The following DSCAM variants were observed in gnomAD, a reference collection of about 807,000 sequenced individuals.
DSCAM encodes DS cell adhesion molecule, also known as cell adhesion molecule DSCAM.
In DSCAM, 47 loss-of-function variants were observed where a neutral mutation model predicts 217.7. The observed-to-expected ratio is 0.22, with a 90% CI of 0.17 to 0.28. The LOEUF is 0.28. DSCAM is among the 10% of genes least tolerant of loss of function. The probability of loss-of-function intolerance (pLI) is 1.00; values close to 1 mark genes in which losing one functional copy is unlikely to be tolerated. For synonymous variants in DSCAM, 1,056 were observed against 1,015.3 expected (o/e 1.04, Z -0.76); for missense variants, 2,080 against 2,618.3 (o/e 0.79, Z 4.49).
intron 11 of DSCAM, among the ~76,000 whole-genome samples, chr21:40,197,126 T>C (rs60417731): frequency 0.075 from 11,261 of 150,024 alleles, 1,044 homozygotes; most frequent in African/African-American, 0.23. Flanking sequence ...TTCTTTCTTT[T>C]TTTCTTTTTT....
intron 3 of DSCAM, chr21:40,615,281 C>CAA (rs34306422): frequency 0.14 from 11,577 of 83,858 alleles, 818 homozygotes; most frequent in East Asian, 0.34. Flanking sequence ...GACTCTGTCT[C>CAA]AAAAAAAAAA....
chr21:40,689,558 A>G (rs990070914), intron 3 of DSCAM, among the ~76,000 whole-genome samples: 1 of 152,222 alleles, frequency 6.6e-6, no homozygotes, highest in Non-Finnish European at 1.5e-5. Flanking sequence ...ACTTAGTAAG[A>G]TACTTACACA....
At chr21:40,561,051 A>G (rs1026692653) in intron 3 of DSCAM, among the ~76,000 whole-genome samples, 1 of 152,218 alleles carries the variant, frequency 6.6e-6, no homozygotes, top group Non-Finnish European at 1.5e-5. Context: ...ACATTGACAA[A>G]TGATGCTTTG....
rs62235589 is a variant in DSCAM at position 40,029,878 on chromosome 21, G to A, written c.5686+12493C>T. On this transcript the variant is annotated intron_variant, in intron 32 of 32. Transcript: ENST00000400454. ...GGCAGCTGGGGTGCCAAGCCTCGGG[G>A]CTTGCATCTTCCTCCTCTGTTCTGC... 4.9e-3 allele frequency among the ~76,000 whole-genome samples: 750 copies of A among 152,302 alleles called. 3 individuals are homozygous for A. The highest frequency in any genetic ancestry group is 7.8e-3 in the Non-Finnish European group (528 of 68,030).
intron 6 of DSCAM, among the ~76,000 whole-genome samples, chr21:40,339,701 C>T (rs2074468236): frequency 6.6e-6 from 1 of 152,220 alleles, no homozygotes; most frequent in Non-Finnish European, 1.5e-5. Context: ...ATGACAGCTC[C>T]TAAGAAGTCC....
At chr21:40,741,707 CT>C (rs2091125851) in intron 1 of DSCAM, among the ~76,000 whole-genome samples, 1 of 152,222 alleles carries the variant, frequency 6.6e-6, no homozygotes. Flanking sequence ...AGCAGTAATA[CT>C]GCAGCCCCAT....
chr21:40,143,941 AT>A (rs2146716989), intron 17 of DSCAM, among the ~76,000 whole-genome samples: 1 of 152,156 alleles, frequency 6.6e-6, no homozygotes, highest in African/African-American at 2.4e-5. Flanking sequence ...AGGGTTCTCT[AT>A]TTTCAAGCAC....
chr21:40,432,028 C>A (rs753148074), intron 3 of DSCAM, among the ~76,000 whole-genome samples: 10 of 151,936 alleles, frequency 6.6e-5, no homozygotes, highest in Non-Finnish European at 1.2e-4. Context: ...AGTGAAACCC[C>A]GGCTCTATTA....
At position 40,673,270 on chromosome 21, in the gene DSCAM, A is replaced by G. The variant is rs548559696; in HGVS notation, c.508+19540T>C. On this transcript the variant is annotated intron_variant, in intron 3 of 32. Coordinates refer to ENST00000400454, the MANE Select transcript of DSCAM (RefSeq NM_001389.5). ...CTGTGATGGTGTCTTGTTTTACGGTAGTAAAGATAAAAATGATGCCCCCCC... is the reference window on the plus strand; with the variant it reads ...CTGTGATGGTGTCTTGTTTTACGGTGGTAAAGATAAAAATGATGCCCCCCC... 5.5e-5 allele frequency among the ~76,000 whole-genome samples: 7 copies of G among 127,244 alleles called. No homozygotes were observed. The South Asian group carries it at 1.3e-3, about 23-fold the overall frequency. 83.5% of individuals were successfully genotyped at this position (127,244 alleles called of 152,430 possible).
At chr21:40,432,186 G>C (rs2075539787) in intron 3 of DSCAM, among the ~76,000 whole-genome samples, 1 of 136,748 alleles carries the variant, frequency 7.3e-6, no homozygotes, top group African/African-American at 2.5e-5. Context: ...AACAGCATGA[G>C]ACTCTGCCTC....
chr21:40,134,111 C>A, intron 18 of DSCAM, 102 bp from the exon 19 acceptor site: 1 of 1,413,224 alleles, frequency 7.1e-7, no homozygotes, highest in East Asian at 2.5e-5. Flanking sequence ...TGCCATCACC[C>A]GTCCAGCCAT....
intron 3 of DSCAM, among the ~76,000 whole-genome samples, chr21:40,623,731 C>G (rs1429476803): frequency 1.3e-5 from 2 of 152,306 alleles, no homozygotes; most frequent in Non-Finnish European, 1.5e-5. Flanking sequence ...TTGATTTTTC[C>G]ATCTTCCTCA....
chr21:40,292,987 T>C (rs4541315), intron 10 of DSCAM, among the ~76,000 whole-genome samples: 72,691 of 151,868 alleles, frequency 0.48, 18,874 homozygotes, highest in African/African-American at 0.69. Flanking sequence ...CCGCCTGCCT[T>C]GGCCTCCCAA....
intron 1 of DSCAM, among the ~76,000 whole-genome samples, chr21:40,759,869 C>T (rs1569022885): frequency 6.6e-6 from 1 of 152,158 alleles, no homozygotes; most frequent in African/African-American, 2.4e-5. Context: ...GCAGCCATCG[C>T]CCTCCACACA....
chr21:40,178,922 C>T lies in DSCAM; in HGVS notation c.2947+5G>A. On this transcript the variant is annotated splice_donor_5th_base_variant and intron_variant, in intron 15 of 32. Coordinates refer to ENST00000400454, the MANE Select transcript of DSCAM (RefSeq NM_001389.5). ...TGGAGCAAGGTTCCGCCCGGTCCCA[C>T]GTACCTGCCTCGTCCGCCGTGATGG... 1.2e-6 allele frequency: 2 copies of T among 1,613,122 alleles called. No individual in the cohort carries two copies. The highest frequency in any genetic ancestry group is 1.7e-6 in the Non-Finnish European group (2 of 1,179,950).
chr21:40,229,468 ATCC>A (rs1050365687), intron 11 of DSCAM, among the ~76,000 whole-genome samples: 30 of 152,304 alleles, frequency 2.0e-4, no homozygotes, highest in African/African-American at 7.2e-4. Flanking sequence ...CATACATAAT[ATCC>A]TCAACTCCCT....
intron 30 of DSCAM, among the ~76,000 whole-genome samples, 198 bp downstream of exon 30, chr21:40,051,760 A>G (rs1018926078): frequency 6.6e-6 from 1 of 152,240 alleles, no homozygotes; most frequent in Non-Finnish European, 1.5e-5. Flanking sequence ...ACCAATACTA[A>G]CAGTAATTCA....
chr21:40,406,842 C>T (rs939433243), intron 3 of DSCAM, among the ~76,000 whole-genome samples: 1 of 152,134 alleles, frequency 6.6e-6, no homozygotes, highest in Non-Finnish European at 1.5e-5. Flanking sequence ...TGGTCTGGAA[C>T]TCCTGACCTC....
At chr21:40,198,580 G>C (rs1216139553) in intron 11 of DSCAM, among the ~76,000 whole-genome samples, 1 of 152,188 alleles carries the variant, frequency 6.6e-6, no homozygotes, top group Admixed American at 6.5e-5. Flanking sequence ...AAGCAGGGAG[G>C]GGTGCCACAC....
Sources: allele counts gnomAD v4.1 joint callset (sites outside exome capture counted in the v4.1 genomes callset), GRCh38; gene constraint gnomAD v4.1.1; transcripts MANE v1.5; gene names NCBI Gene and HGNC (gene_info 2026-07-23, HGNC 2026-07-21).